Variants in SATB2 observed in about 807,000 individuals in gnomAD.
The protein encoded by SATB2 is DNA-binding protein SATB2.
In SATB2, 1 loss-of-function variant was observed where a neutral mutation model predicts 73.4. The observed-to-expected ratio is 0.01, with a 90% confidence interval of 0.00 to 0.06. SATB2 has a LOEUF of 0.06. Among genes scored for constraint, SATB2 ranks in the 10% least tolerant of loss-of-function variants. SATB2 has a pLI of 1.00. For synonymous variants in SATB2, 397 were observed against 367.0 expected (o/e 1.08, Z -0.93); for missense variants, 459 against 945.8 (o/e 0.49, Z 6.75).
At chr2:199,360,737 C>G (rs1386121279) in intron 6 of SATB2, among the ~76,000 whole-genome samples, 3 of 152,104 alleles carry the variant, frequency 2.0e-5, no homozygotes, top group Non-Finnish European at 4.4e-5. Flanking sequence ...TTACACTTAG[C>G]CCTCATGCTT....
chr2:199,301,750 T>C (rs1265728374), intron 10 of SATB2, among the ~76,000 whole-genome samples: 1 of 152,048 alleles, frequency 6.6e-6, no homozygotes, highest in Admixed American at 6.6e-5. Context: ...GGAGGCAGAA[T>C]TATAATGCAG....
intron 6 of SATB2, among the ~76,000 whole-genome samples, chr2:199,358,523 T>C (rs979970856): frequency 3.3e-5 from 5 of 152,240 alleles, no homozygotes; most frequent in African/African-American, 1.2e-4. Context: ...ATTTTGTTTT[T>C]CTCTAAATTT....
intron 10 of SATB2, among the ~76,000 whole-genome samples, chr2:199,303,763 G>T (rs564492114): frequency 5.8e-4 from 88 of 152,246 alleles, no homozygotes; most frequent in East Asian, 5.8e-4. Context: ...AGAAAATGTT[G>T]AAAATCGCCT....
intron 7 of SATB2, among the ~76,000 whole-genome samples, chr2:199,341,924 CAA>C (rs1473607102): frequency 5.3e-5 from 8 of 152,138 alleles, no homozygotes; most frequent in Non-Finnish European, 1.0e-4. Flanking sequence ...GAAATGCAAG[CAA>C]AGTCCCAGCT....
chr2:199,347,338 G>T (rs1280294060), intron 7 of SATB2: 2 of 152,106 alleles, frequency 1.3e-5, no homozygotes, highest in Non-Finnish European at 2.9e-5. Context: ...CCTACATTCT[G>T]TACGTTCACA....
chr2:199,271,945 A>G lies in SATB2; in HGVS notation c.*266T>C, dbSNP rs2105705755. On this transcript the variant is annotated 3_prime_UTR_variant, in exon 11 of 11. Coordinates refer to ENST00000417098, the MANE Select transcript of SATB2 (RefSeq NM_001172509.2). ...TATAATGACTATGATCCAGTCATAG[A>G]GACGGGATAAAGTGTAACGCTTTAG... 2 of 509,040 alleles carry G rather than the reference A, an allele frequency of 3.9e-6. No homozygotes were observed. Among genetic ancestry groups the G allele is most frequent in the Non-Finnish European group, 7.1e-6 (2 of 281,416 alleles). 31.5% of individuals were successfully genotyped at this position (509,040 alleles called of 1,614,324 possible).
In SATB2 at chr2:199,382,317, G is replaced by A. The variant is rs527920634; in HGVS notation, c.347-497C>T. Among the ~76,000 whole-genome samples, 182 of 152,320 alleles carry A rather than the reference G, an allele frequency of 1.2e-3. 3 individuals carry two copies. Among genetic ancestry groups the A allele is most frequent in the African/African-American group, 4.1e-3 (172 of 41,570 alleles). ...GCATTTGGAGCTCATGAAGCAGTTA[G>A]AGTTCGCTCCCATATCTGCGTTTCA... On this transcript the variant is annotated intron_variant, in intron 3 of 10. Transcript: ENST00000417098.
upstream of SATB2, among the ~76,000 whole-genome samples, chr2:199,459,145 C>T (rs1206246853): frequency 6.6e-6 from 1 of 152,038 alleles, no homozygotes; most frequent in Non-Finnish European, 1.5e-5. This position sits in a 1 kb window ranked among gnomAD's most constrained non-coding sequence, Gnocchi z 4.2. Context: ...GCTGCCTGTC[C>T]TCGGGCTACA....
intron 10 of SATB2, among the ~76,000 whole-genome samples, chr2:199,300,083 C>A (rs192145190): frequency 6.6e-6 from 1 of 152,032 alleles, no homozygotes; most frequent in African/African-American, 2.4e-5. Context: ...AATCAGTTTG[C>A]CCTTTCACAA....
Position 199,389,591 on chromosome 2 carries a change from A to G in SATB2, c.347-7771T>C, listed in dbSNP as rs1028828278. 2.0e-5 allele frequency among the ~76,000 whole-genome samples: 3 copies of G among 152,206 alleles called. No individual in the cohort carries two copies. The East Asian group carries it at 5.8e-4, about 29-fold the overall frequency. On this transcript the variant is annotated intron_variant, in intron 3 of 10. Coordinates refer to ENST00000417098, the MANE Select transcript of SATB2 (RefSeq NM_001172509.2). ...CATATGAATTTATCTAAAAATCAAG[A>G]GATGCAAGTGTGTGAGCACACACAC...
chr2:199,438,254 G>A (rs1020191917), intron 2 of SATB2, among the ~76,000 whole-genome samples: 1 of 152,154 alleles, frequency 6.6e-6, no homozygotes, highest in South Asian at 2.1e-4. Context: ...CATGTGGCTT[G>A]TATTAGTATC....
chr2:199,346,035 A>C (rs577764791), intron 7 of SATB2, among the ~76,000 whole-genome samples: 7 of 152,360 alleles, frequency 4.6e-5, no homozygotes, highest in African/African-American at 1.7e-4. Flanking sequence ...TTTACACCAA[A>C]AAGAGTAGTT....
intron 3 of SATB2, among the ~76,000 whole-genome samples, chr2:199,429,675 C>T (rs1365741281): frequency 6.6e-6 from 1 of 152,144 alleles, no homozygotes; most frequent in African/African-American, 2.4e-5. Context: ...TTTGGGAGGC[C>T]GAGGTGGGCG....
At chr2:199,387,291 A>G (rs1039907787) in intron 3 of SATB2, among the ~76,000 whole-genome samples, 1 of 152,210 alleles carries the variant, frequency 6.6e-6, no homozygotes, top group East Asian at 1.9e-4. Context: ...CAAGCGCCCA[A>G]CCACACAAAT....
At chr2:199,384,539 G>T (rs1689872725) in intron 3 of SATB2, among the ~76,000 whole-genome samples, 1 of 152,150 alleles carries the variant, frequency 6.6e-6, no homozygotes, top group African/African-American at 2.4e-5. Context: ...ACATTCTTTA[G>T]AACAGTCCTC....
intron 3 of SATB2, among the ~76,000 whole-genome samples, chr2:199,403,294 A>T (rs891265881): frequency 4.6e-5 from 7 of 152,148 alleles, no homozygotes; most frequent in Non-Finnish European, 1.0e-4. Flanking sequence ...TAATATTGTA[A>T]TATTAAGTGA....
chr2:199,289,297 G>A (rs1487212257), intron 10 of SATB2, among the ~76,000 whole-genome samples: 5 of 152,098 alleles, frequency 3.3e-5, no homozygotes, highest in Admixed American at 1.3e-4. Context: ...TTTAGATCAA[G>A]GCTTTCTCAA....
In SATB2 at chr2:199,355,340, G is replaced by GTATCTATATATATA. The variant is rs1445800916; in HGVS notation, c.701-6168_701-6167insTATATATATAGATA. 3.4e-3 allele frequency among the ~76,000 whole-genome samples: 47 copies of GTATCTATATATATA among 13,850 alleles called. 2 individuals carry two copies. The highest frequency in any genetic ancestry group is 3.8e-3 in the Admixed American group (2 of 520). The allele number at this position is 13,850 out of a possible 152,430, so 9.1% of individuals were successfully genotyped here. On this transcript the variant is annotated intron_variant, in intron 6 of 10. Coordinates refer to ENST00000417098, the MANE Select transcript of SATB2 (RefSeq NM_001172509.2). ...TACATATGTATGTGTGTGTGTGTGT[G>GTATCTATATATATA]TGTGTATCTATATATATATATATAT... is the stretch of plus-strand genomic sequence containing the variant.
At chr2:199,350,867 A>T (rs143708708) in intron 6 of SATB2, among the ~76,000 whole-genome samples, 2,006 of 152,022 alleles carry the variant, frequency 0.013, 31 homozygotes, top group Middle Eastern at 0.11. Context: ...TACTTAAAAT[A>T]CAAAAATTAG....
Sources: gnomAD v4.1 joint callset for allele counts (sites outside exome capture counted in the v4.1 genomes callset) on GRCh38, gnomAD v4.1.1 for gene constraint, Gnocchi (gnomAD v3.1) non-coding constraint, MANE v1.5 for transcripts, NCBI Gene and HGNC (gene_info 2026-07-23, HGNC 2026-07-21) for gene names.